The following NECTIN3 variants were observed in gnomAD, a reference collection of about 807,000 sequenced individuals.
The protein encoded by NECTIN3 is nectin-3.
NECTIN3 carries 8 observed loss-of-function variants against 49.4 expected under a neutral mutation model. That is an observed-to-expected ratio of 0.16 (90% CI 0.10 to 0.29). The LOEUF is 0.29. NECTIN3 is among the 10% of genes least tolerant of loss of function. The pLI is 1.00. For synonymous variants in NECTIN3, 277 were observed against 241.1 expected (o/e 1.15, Z -1.38); for missense variants, 581 against 654.6 (o/e 0.89, Z 1.23).
chr3:111,151,766 A>T (rs908909497), intron 7 of NECTIN3, among the ~76,000 whole-genome samples: 1 of 151,950 alleles, frequency 6.6e-6, no homozygotes, highest in Non-Finnish European at 1.5e-5. Context: ...GTAAATATTC[A>T]TGACAGTGTT....
chr3:111,099,770 G>A (rs1236497898), intron 1 of NECTIN3, among the ~76,000 whole-genome samples: 1 of 152,230 alleles, frequency 6.6e-6, no homozygotes, highest in East Asian at 1.9e-4. Flanking sequence ...CTGGGGTTAG[G>A]GGAGTGGGGA....
chr3:111,173,274 C>T (rs1041394262), intron 7 of NECTIN3, among the ~76,000 whole-genome samples: 2 of 152,200 alleles, frequency 1.3e-5, no homozygotes, highest in Non-Finnish European at 2.9e-5. Flanking sequence ...CAGGTGATAA[C>T]ATTTAGCCCC....
At chr3:111,169,597 G>A (rs1179837059) in intron 7 of NECTIN3, among the ~76,000 whole-genome samples, 1 of 152,050 alleles carries the variant, frequency 6.6e-6, no homozygotes, top group African/African-American at 2.4e-5. Flanking sequence ...AGTTGTTGAT[G>A]ATTATTCCAT....
chr3:111,112,708 AT>A (rs1195544917), intron 2 of NECTIN3, among the ~76,000 whole-genome samples: 3 of 152,032 alleles, frequency 2.0e-5, no homozygotes, highest in African/African-American at 7.2e-5. Context: ...CTTTAATCAA[AT>A]TACCATCTTA....
intron 1 of NECTIN3, among the ~76,000 whole-genome samples, chr3:111,086,469 T>C (rs2031936608): frequency 6.6e-6 from 1 of 152,228 alleles, no homozygotes; most frequent in East Asian, 1.9e-4. Context: ...TTCATATTTT[T>C]TCCTCCATTT....
At chr3:111,190,472 G>A (rs1192900323), upstream of NECTIN3, among the ~76,000 whole-genome samples, 1 of 152,196 alleles carries the variant, frequency 6.6e-6, no homozygotes, top group East Asian at 1.9e-4. Flanking sequence ...CGTAAACTAG[G>A]TAGCTAACAA....
rs988095319 is a variant in NECTIN3 at position 111,082,592 on chromosome 3, G to C, written c.160+10415G>C. 2.6e-5 allele frequency among the ~76,000 whole-genome samples: 4 copies of C among 152,128 alleles called. No individual in the cohort carries two copies. The South Asian group carries it at 8.3e-4, about 31-fold the overall frequency. ...GACTCTTAGTAATTTTAGTAAAAGT[G>C]GTTAGGAGAAAAATGTCACATCTTA... On this transcript the variant is annotated intron_variant, in intron 1 of 5. Transcript: ENST00000485303.
intron 3 of NECTIN3, among the ~76,000 whole-genome samples, chr3:111,119,650 A>G (rs1454558383): frequency 6.6e-6 from 1 of 152,056 alleles, no homozygotes; most frequent in Non-Finnish European, 1.5e-5. Context: ...TGTCTTTCCT[A>G]TATGCATATT....
At position 111,118,645 on chromosome 3, in the gene NECTIN3, T is replaced by A; in HGVS notation, c.503-11T>A. The A allele has an allele frequency of 6.6e-7, 1 of 1,520,172 alleles. No homozygotes were observed. The highest frequency in any genetic ancestry group is 1.3e-5 in the South Asian group (1 of 78,714). The allele number at this position is 1,520,172 out of a possible 1,614,324, so 94.2% of individuals were successfully genotyped here. A position where few individuals can be genotyped will look rare whatever the true frequency, so the allele number is the denominator to read the frequency against. ...TGAATGTAACTAATTATTAAAAAAATATTTAAACAGTTGAACCCACTGTGA... is the reference window on the plus strand; with the variant it reads ...TGAATGTAACTAATTATTAAAAAAAAATTTAAACAGTTGAACCCACTGTGA... On this transcript the variant is annotated splice_polypyrimidine_tract_variant and intron_variant, in intron 2 of 5. Transcript: ENST00000485303.
At chr3:111,193,046 T>C (rs1404424044) in intron 1 of NECTIN3, among the ~76,000 whole-genome samples, 1 of 152,208 alleles carries the variant, frequency 6.6e-6, no homozygotes, top group African/African-American at 2.4e-5. Context: ...CTGGAAAATA[T>C]AAGTTGTTGA....
At chr3:111,187,816 G>A, upstream of NECTIN3, among the ~76,000 whole-genome samples, 1 of 152,174 alleles carries the variant, frequency 6.6e-6, no homozygotes, top group East Asian at 1.9e-4. Context: ...TGGAACACAG[G>A]AGATTTTCAG....
At chr3:111,125,397 G>T (rs1356529754) in intron 4 of NECTIN3, among the ~76,000 whole-genome samples, 1 of 151,740 alleles carries the variant, frequency 6.6e-6, no homozygotes, top group African/African-American at 2.4e-5. Flanking sequence ...CTTATTTGTT[G>T]TTTTTTTTGT....
chr3:111,167,888 T>A (rs572482165), intron 7 of NECTIN3, among the ~76,000 whole-genome samples: 1 of 152,158 alleles, frequency 6.6e-6, no homozygotes, highest in Non-Finnish European at 1.5e-5. Context: ...TTTTTTCTTT[T>A]TTGGACATTA....
intron 7 of NECTIN3, among the ~76,000 whole-genome samples, chr3:111,160,106 G>T (rs1375827048): frequency 6.6e-6 from 1 of 152,026 alleles, no homozygotes; most frequent in Non-Finnish European, 1.5e-5. Context: ...GAAATATGTT[G>T]TTTGGAACAA....
At chr3:111,173,503 C>T (rs2107527901) in intron 7 of NECTIN3, among the ~76,000 whole-genome samples, 1 of 152,312 alleles carries the variant, frequency 6.6e-6, no homozygotes, top group South Asian at 2.1e-4. Context: ...GCTCACTCAC[C>T]ACCCAGGGAA....
intron 2 of NECTIN3, among the ~76,000 whole-genome samples, chr3:111,115,856 A>C (rs1356817354): frequency 6.6e-6 from 1 of 152,240 alleles, no homozygotes; most frequent in Non-Finnish European, 1.5e-5. Flanking sequence ...GGATATAAGA[A>C]GTAAGGAAAG....
chr3:111,181,978 G>A (rs1257058650), intron 7 of NECTIN3, among the ~76,000 whole-genome samples: 1 of 151,538 alleles, frequency 6.6e-6, no homozygotes, highest in African/African-American at 2.4e-5. Flanking sequence ...TCTAATACAA[G>A]CATTTAAAAA....
At chr3:111,133,588 C>A in intron 5 of NECTIN3, 47 bp from the exon 6 acceptor site, 1 of 1,564,044 alleles carries the variant, frequency 6.4e-7, no homozygotes, top group East Asian at 2.3e-5. Flanking sequence ...CCTGCATTGA[C>A]ATTCTTTGCC....
At chr3:111,076,803 C>T (rs181853462) in intron 1 of NECTIN3, among the ~76,000 whole-genome samples, 1,850 of 151,952 alleles carry the variant, frequency 0.012, 27 homozygotes, top group Non-Finnish European at 0.019. Context: ...GGCGAAACCC[C>T]GTCTTTACCA....
Sources: allele counts gnomAD v4.1 joint callset (sites outside exome capture counted in the v4.1 genomes callset), GRCh38; gene constraint gnomAD v4.1.1; transcripts MANE v1.5; gene names NCBI Gene and HGNC (gene_info 2026-07-23, HGNC 2026-07-21).